Variants in ARID2 observed in about 807,000 individuals in gnomAD.
ARID2 encodes the protein AT-rich interactive domain-containing protein 2.
A neutral mutation model predicts 184.6 loss-of-function variants in ARID2; 32 were observed. That is an observed-to-expected ratio of 0.17 (90% confidence interval 0.13 to 0.23). The LOEUF (loss-of-function observed/expected upper bound fraction) is 0.23, where lower values mean the gene tolerates loss of function less well. ARID2 is among the 10% of genes least tolerant of loss of function. The pLI, the probability that ARID2 is intolerant of heterozygous loss-of-function variation, is 1.00. For missense variants in ARID2, 1,696 were observed against 2,197.6 expected (o/e 0.77, Z 4.56); for synonymous variants, 836 against 772.6 (o/e 1.08, Z -1.36).
intron 16 of ARID2, among the ~76,000 whole-genome samples, chr12:45,862,957 A>T (rs912472159): frequency 3.3e-5 from 5 of 152,086 alleles, no homozygotes. Flanking sequence ...GTCTGCAAAT[A>T]TTTGTTAAGC....
chr12:45,838,430 A>T (rs1943260441), intron 10 of ARID2, among the ~76,000 whole-genome samples: 1 of 152,190 alleles, frequency 6.6e-6, no homozygotes. Context: ...GTGATTCTTA[A>T]ATCTGGCTAC....
intron 3 of ARID2, among the ~76,000 whole-genome samples, chr12:45,734,812 A>G (rs1049491145): frequency 1.3e-5 from 2 of 152,170 alleles, no homozygotes; most frequent in Non-Finnish European, 2.9e-5. Flanking sequence ...AAGTTTTGGT[A>G]TGAAGATTTA....
intron 11 of ARID2, among the ~76,000 whole-genome samples, chr12:45,844,705 A>G (rs1943411429): frequency 6.6e-6 from 1 of 152,222 alleles, no homozygotes; most frequent in Admixed American, 6.5e-5. Context: ...ACTTGCACAT[A>G]ATCTAATCCT....
chr12:45,885,902 ACAATT>A (rs1944179017), intron 16 of ARID2, among the ~76,000 whole-genome samples: 1 of 152,218 alleles, frequency 6.6e-6, no homozygotes, highest in Non-Finnish European at 1.5e-5. Flanking sequence ...TATGGGAACT[ACAATT>A]CAAGGTGAGA....
Position 45,851,241 on chromosome 12 carries a change from G to A in ARID2, c.3118G>A (p.Val1040Ile), listed in dbSNP as rs587778055. 2.5e-6 allele frequency: 4 copies of A among 1,614,066 alleles called. No individual in the cohort carries two copies. The highest frequency in any genetic ancestry group is 2.2e-5 in the East Asian group (1 of 44,894). The change falls in exon 15 of 21, where the codon GTT (valine) becomes ATT (isoleucine). Residue 1040 changes from valine (V) to isoleucine (I), a missense_variant. This residue lies in a region of ARID2 where 713 missense variants were observed against 824.4 expected (regional missense o/e 0.86). Coordinates refer to ENST00000334344, the MANE Select transcript of ARID2 (RefSeq NM_152641.4). The part of the protein sequence containing the change: ...VQQPQQVQMQ[V>I]QPQQSNAGVG... The stretch of plus-strand genomic sequence containing the variant: ...GCAGCCCCAACAAGTACAGATGCAA[G>A]TTCAACCTCAACAGTCGAATGCAGG...
intron 3 of ARID2, among the ~76,000 whole-genome samples, chr12:45,732,378 A>G (rs1941020696): frequency 6.6e-6 from 1 of 152,120 alleles, no homozygotes; most frequent in African/African-American, 2.4e-5. Context: ...TGTACTTTCT[A>G]TTGGCTATCT....
chr12:45,773,440 T>G (rs1941916680), intron 3 of ARID2, among the ~76,000 whole-genome samples: 1 of 151,968 alleles, frequency 6.6e-6, no homozygotes, highest in Non-Finnish European at 1.5e-5. Context: ...AAATCAAAAT[T>G]AGTTAAATCA....
chr12:45,729,953 C>CGCCGGGGCGA (rs745921243), intron 1 of ARID2, 25 bp downstream of exon 1: 43 of 1,603,276 alleles, frequency 2.7e-5, no homozygotes, highest in Non-Finnish European at 3.5e-5. Flanking sequence ...GGGGGGGCAG[C>CGCCGGGGCGA]GCCGGGGCGA....
intron 16 of ARID2, among the ~76,000 whole-genome samples, chr12:45,889,565 TG>T (rs1268036113): frequency 1.3e-5 from 2 of 152,250 alleles, no homozygotes; most frequent in Non-Finnish European, 2.9e-5. Flanking sequence ...ATATCCGTAA[TG>T]TTCTGAAAAC....
rs550993890 is a variant in ARID2, at chr12:45,847,485, A to G, written c.1580+548A>G. Reference sequence around the variant, plus strand: ...TTCCTTGAAAAGATTGTGTAGTCCTATCTGCACCACTTTCTGAAAAAAAGC... The same window carrying G: ...TTCCTTGAAAAGATTGTGTAGTCCTGTCTGCACCACTTTCTGAAAAAAAGC... On this transcript the variant is annotated intron_variant, in intron 12 of 20. Coordinates refer to ENST00000334344, the MANE Select transcript of ARID2 (RefSeq NM_152641.4). Among the ~76,000 whole-genome samples the G allele has an allele frequency of 3.3e-5, 5 of 152,208 alleles. No homozygotes were observed. The East Asian group carries it at 5.8e-4, about 18-fold the overall frequency.
Position 45,880,883 on chromosome 12 carries a change from A to G in ARID2, c.4923-10897A>G, listed in dbSNP as rs73097345. On this transcript the variant is annotated intron_variant, in intron 16 of 20. Transcript: ENST00000334344. ...CAACTGTCAGATGGCGTTCATCTGCATAAGTGAATATAAATGCAGTTTTGG... is the reference window on the plus strand; with the variant it reads ...CAACTGTCAGATGGCGTTCATCTGCGTAAGTGAATATAAATGCAGTTTTGG... The G allele has an allele frequency of 2.8e-3, 518 of 185,276 alleles. 1 individual carries two copies. The highest frequency in any genetic ancestry group is 4.0e-3 in the Admixed American group (74 of 18,600). 11.5% of individuals were successfully genotyped at this position (185,276 alleles called of 1,614,324 possible).
At chr12:45,892,999 T>C (rs1248981575) in intron 18 of ARID2, among the ~76,000 whole-genome samples, 1 of 152,200 alleles carries the variant, frequency 6.6e-6, no homozygotes, top group Non-Finnish European at 1.5e-5. Flanking sequence ...TTAGGTAATA[T>C]TACTTTACTC....
In ARID2 at chr12:45,850,748, A is replaced by G. The variant is rs1943532964; in HGVS notation, c.2625A>G (p.Gly875=). 1 of 1,614,092 alleles carries G rather than the reference A, an allele frequency of 6.2e-7. No individual in the cohort carries two copies. The highest frequency in any genetic ancestry group is 1.3e-5 in the African/African-American group (1 of 75,006). ...TACAGAATTTTCAGGTAGCTACAGG[A>G]CAAATGGTTACTATTGCTGGTGTCC... is the stretch of plus-strand genomic sequence containing the variant. ...TSVQNFQVAT[G]QMVTIAGVPS... is the part of the protein sequence containing the mutation. The change falls in exon 15 of 21, where the codon GGA becomes GGG. Residue 875 remains glycine (G), a synonymous_variant. Coordinates refer to ENST00000334344, the MANE Select transcript of ARID2 (RefSeq NM_152641.4).
intron 11 of ARID2, among the ~76,000 whole-genome samples, chr12:45,844,417 G>A (rs1450237142): frequency 6.6e-6 from 1 of 152,112 alleles, no homozygotes; most frequent in African/African-American, 2.4e-5. Context: ...GGAGGCAAGG[G>A]CATTAAGCAG....
chr12:45,801,627 C>T (rs1302464423), intron 3 of ARID2, among the ~76,000 whole-genome samples: 1 of 152,142 alleles, frequency 6.6e-6, no homozygotes, highest in Non-Finnish European at 1.5e-5. Flanking sequence ...TCAAAAAATA[C>T]ATTCTCTGTG....
intron 6 of ARID2, among the ~76,000 whole-genome samples, chr12:45,833,977 G>A (rs1313837440): frequency 6.6e-6 from 1 of 152,126 alleles, no homozygotes; most frequent in African/African-American, 2.4e-5. Flanking sequence ...GCTGTGCTCT[G>A]TTCAGTGTTT....
intron 16 of ARID2, among the ~76,000 whole-genome samples, chr12:45,870,608 C>T (rs962044299): frequency 6.6e-6 from 1 of 152,104 alleles, no homozygotes; most frequent in African/African-American, 2.4e-5. Flanking sequence ...TTTATTCCTC[C>T]TCACCCCCTC....
chr12:45,792,222 A>G (rs1342398005), intron 3 of ARID2, among the ~76,000 whole-genome samples: 2 of 152,160 alleles, frequency 1.3e-5, no homozygotes, highest in Admixed American at 1.3e-4. Context: ...GCTTGTTCCC[A>G]CAAGTTTTGC....
At chr12:45,847,103 A>G (rs1411983567) in intron 12 of ARID2, among the ~76,000 whole-genome samples, 166 bp downstream of exon 12, 1 of 152,162 alleles carries the variant, frequency 6.6e-6, no homozygotes, top group Admixed American at 6.6e-5. Context: ...CCCCTTGTAT[A>G]TTGGAATAAT....
Sources: gnomAD v4.1 joint callset for allele counts (sites outside exome capture counted in the v4.1 genomes callset) on GRCh38, gnomAD v4.1.1 for gene constraint, gnomAD v4.1.1 regional missense constraint, MANE v1.5 for transcripts, NCBI Gene and HGNC (gene_info 2026-07-23, HGNC 2026-07-21) for gene names.